IPO11: variants seen among roughly 807,000 people sequenced by gnomAD.
The protein encoded by IPO11 is importin 11.
IPO11 carries 66 observed loss-of-function variants against 143.2 expected under a neutral mutation model. The observed-to-expected ratio is 0.46, with a 90% CI of 0.38 to 0.57. IPO11 has a LOEUF of 0.57. Among genes scored for constraint, IPO11 ranks in the 20% least tolerant of loss-of-function variants. The pLI is 0.00. For synonymous variants in IPO11, 385 were observed against 377.8 expected (o/e 1.02, Z -0.22); for missense variants, 1,026 against 1,141.0 (o/e 0.90, Z 1.45).
At position 62,497,726 on chromosome 5, in the gene IPO11, C is replaced by T. The variant is rs535656689; in HGVS notation, c.1590+3602C>T. ...CAAGCTGTCTTCCCACCTTGGCCTC[C>T]CAAAGTGTTAGGATTATAGGCATTG... On this transcript the variant is annotated intron_variant, in intron 16 of 29. Transcript: ENST00000325324. Among the ~76,000 whole-genome samples the T allele has an allele frequency of 5.9e-5, 9 of 152,344 alleles. No individual in the cohort carries two copies. In the East Asian group the frequency reaches 7.7e-4, roughly 13 times the overall value.
rs1561308876 is a variant in IPO11 at position 62,435,132 on chromosome 5, A to ATGTATATT, written c.-6-2141_-6-2140insGTATATTT. 4.4e-3 allele frequency among the ~76,000 whole-genome samples: 310 copies of ATGTATATT among 69,974 alleles called. 31 individuals carry two copies. The highest frequency in any genetic ancestry group is 0.019 in the African/African-American group (293 of 15,174). The allele number at this position is 69,974 out of a possible 152,430, so 45.9% of individuals were successfully genotyped here. A position where few individuals can be genotyped will look rare whatever the true frequency, so the allele number is the denominator to read the frequency against. On this transcript the variant is annotated intron_variant, in intron 1 of 29. Coordinates refer to ENST00000325324, the MANE Select transcript of IPO11 (RefSeq NM_016338.5). ...TATGTATATATGTATATATGTATAT[A>ATGTATATT]TATGTATATATGTATATATGTATAT...
At chr5:62,442,436 G>A (rs1451439182) in intron 2 of IPO11, among the ~76,000 whole-genome samples, 1 of 152,112 alleles carries the variant, frequency 6.6e-6, no homozygotes, top group African/African-American at 2.4e-5. Context: ...CTACATGTGT[G>A]TTACTCAGCT....
chr5:62,482,941 C>CA (rs570162371), intron 9 of IPO11, among the ~76,000 whole-genome samples, 160 bp from the exon 10 acceptor site: 154 of 152,170 alleles, frequency 1.0e-3, no homozygotes, highest in African/African-American at 3.6e-3. Flanking sequence ...TGATGTGCCT[C>CA]AAGAAGAGTT....
intron 19 of IPO11, 132 bp downstream of exon 19, chr5:62,506,489 T>C: frequency 3.7e-6 from 2 of 536,746 alleles, no homozygotes; most frequent in Non-Finnish European, 6.6e-6. Flanking sequence ...AGATTGTGGT[T>C]TCAGTTATGT....
intron 22 of IPO11, among the ~76,000 whole-genome samples, chr5:62,533,876 G>C (rs1459304494): frequency 2.0e-5 from 3 of 151,834 alleles, no homozygotes; most frequent in Non-Finnish European, 4.4e-5. Context: ...AGGGGATCAA[G>C]GCTGCAGTGG....
chr5:62,508,548 T>TTTCTTTC (rs1279713983), intron 19 of IPO11, among the ~76,000 whole-genome samples: 1 of 151,966 alleles, frequency 6.6e-6, no homozygotes, highest in African/African-American at 2.4e-5. Context: ...TTCTTCCTTC[T>TTTCTTTC]TTCTTTCTTC....
At chr5:62,557,146 G>A (rs1743601640) in intron 26 of IPO11, among the ~76,000 whole-genome samples, 1 of 152,064 alleles carries the variant, frequency 6.6e-6, no homozygotes, top group Non-Finnish European at 1.5e-5. Context: ...ATTATTGTCA[G>A]TGTCTCTATA....
chr5:62,412,968 T>C (rs888150634), intron 1 of IPO11, 39 bp downstream of exon 1: 28 of 141,090 alleles, frequency 2.0e-4, no homozygotes, highest in African/African-American at 7.0e-4. Context: ...CGCGCGGGAG[T>C]GGAAGGGAGT....
chr5:62,576,661 C>CA (rs1466821339), intron 27 of IPO11, among the ~76,000 whole-genome samples: 1 of 149,648 alleles, frequency 6.7e-6, no homozygotes, highest in Non-Finnish European at 1.5e-5. Flanking sequence ...CATGCACCTG[C>CA]AGTCCTAGCT....
intron 27 of IPO11, among the ~76,000 whole-genome samples, chr5:62,577,649 A>T (rs909820301): frequency 2.6e-5 from 4 of 152,164 alleles, no homozygotes; most frequent in Non-Finnish European, 5.9e-5. Context: ...AACAGTAACC[A>T]GCCATAATGG....
intron 29 of IPO11, among the ~76,000 whole-genome samples, chr5:62,618,265 G>C (rs1746216029): frequency 6.6e-6 from 1 of 152,004 alleles, no homozygotes; most frequent in Non-Finnish European, 1.5e-5. Flanking sequence ...TTTTGAAGTA[G>C]ATGACATACA....
At chr5:62,620,616 G>T (rs188605366) in intron 29 of IPO11, among the ~76,000 whole-genome samples, 28 of 152,088 alleles carry the variant, frequency 1.8e-4, no homozygotes, top group Admixed American at 6.5e-4. Flanking sequence ...AAATTTTTCT[G>T]GTTGACAGTT....
rs149274951 is a variant in IPO11, at chr5:62,424,418, T to C, written c.-7+11489T>C. 9.1e-3 allele frequency among the ~76,000 whole-genome samples: 1,382 copies of C among 151,738 alleles called. 20 individuals are homozygous for C. The highest frequency in any genetic ancestry group is 0.032 in the African/African-American group (1,304 of 41,332). On this transcript the variant is annotated intron_variant, in intron 1 of 29. Transcript: ENST00000325324. Reference sequence around the variant, plus strand: ...CCTCCCAAAGTGCTGGGATTACGGGTGTGAGCCATCGCGCCTGGCTCAGCT... The same window carrying C: ...CCTCCCAAAGTGCTGGGATTACGGGCGTGAGCCATCGCGCCTGGCTCAGCT...
chr5:62,450,131 AT>A, intron 4 of IPO11, 132 bp downstream of exon 4: 1 of 534,304 alleles, frequency 1.9e-6, no homozygotes, highest in Non-Finnish European at 3.2e-6. Flanking sequence ...GTTTTTATCT[AT>A]TTTTAAATTT....
chr5:62,530,649 A>G (rs1742512932), intron 21 of IPO11, 60 bp from the exon 22 acceptor site: 4 of 996,192 alleles, frequency 4.0e-6, no homozygotes, highest in Non-Finnish European at 3.2e-6. Flanking sequence ...TATTTAAGTC[A>G]TATGTTAATG....
intron 1 of IPO11, among the ~76,000 whole-genome samples, chr5:62,425,435 A>T (rs1743697186): frequency 1.3e-5 from 2 of 152,152 alleles, no homozygotes; most frequent in African/African-American, 4.8e-5. Flanking sequence ...CTCCTGCCTC[A>T]GCCTCCCGAG....
chr5:62,545,159 G>A (rs1743118535), intron 24 of IPO11, among the ~76,000 whole-genome samples: 1 of 152,146 alleles, frequency 6.6e-6, no homozygotes, highest in African/African-American at 2.4e-5. Context: ...TAAGCCAAAA[G>A]AACAAAGCTG....
At chr5:62,580,212 C>G (rs938713657) in intron 27 of IPO11, 1 of 1,550,860 alleles carries the variant, frequency 6.4e-7, no homozygotes, top group Admixed American at 2.0e-5. Flanking sequence ...AATACCTCCT[C>G]CTGAAAAATT....
At chr5:62,615,181 C>T (rs369765052) in intron 29 of IPO11, among the ~76,000 whole-genome samples, 5 of 152,258 alleles carry the variant, frequency 3.3e-5, no homozygotes, top group African/African-American at 1.2e-4. Context: ...TTTAGGGCCT[C>T]GAGTTTCCAG....
Sources: gnomAD v4.1 joint callset for allele counts (sites outside exome capture counted in the v4.1 genomes callset) on GRCh38, gnomAD v4.1.1 for gene constraint, MANE v1.5 for transcripts, NCBI Gene and HGNC (gene_info 2026-07-23, HGNC 2026-07-21) for gene names.